Variants in SLC10A7 observed in about 807,000 individuals in gnomAD.
SLC10A7 encodes solute carrier family 10 member 7.
SLC10A7 carries 29 observed loss-of-function variants against 43.2 expected under a neutral mutation model. The ratio of observed to expected loss-of-function variants is 0.67; its 90% CI spans 0.50 to 0.92. The LOEUF is 0.92. Ranked by LOEUF, SLC10A7 falls within the 40% of genes least tolerant of loss-of-function variation. SLC10A7 has a pLI of 0.00. For missense variants in SLC10A7, 295 were observed against 403.2 expected (o/e 0.73, Z 2.30); for synonymous variants, 152 against 144.8 (o/e 1.05, Z -0.35).
Position 146,440,668 on chromosome 4 carries a change from A to T in SLC10A7, c.435+2115T>A, listed in dbSNP as rs80133699. The stretch of plus-strand genomic sequence containing the variant: ...ATCCTAGGTTGTTGTAACTATGGTG[A>T]AGAGAGGAAAAAAAGATATAGAATT... On this transcript the variant is annotated intron_variant, in intron 5 of 11. Transcript: ENST00000335472. 9.4e-3 allele frequency among the ~76,000 whole-genome samples: 1,432 copies of T among 152,350 alleles called. 15 individuals carry two copies. The highest frequency in any genetic ancestry group is 0.024 in the Middle Eastern group (7 of 294).
chr4:146,401,912 T>A, intron 5 of SLC10A7, among the ~76,000 whole-genome samples: 1 of 152,344 alleles, frequency 6.6e-6, no homozygotes. Context: ...TTTATATTTT[T>A]AAAACCCAGA....
intron 5 of SLC10A7, among the ~76,000 whole-genome samples, chr4:146,344,586 G>A (rs1000797631): frequency 3.3e-5 from 5 of 151,858 alleles, no homozygotes; most frequent in Non-Finnish European, 5.9e-5. Context: ...TGGAGGGCTC[G>A]GTGAGACAAA....
At chr4:146,486,947 C>T (rs529846738) in intron 4 of SLC10A7, among the ~76,000 whole-genome samples, 26 of 152,290 alleles carry the variant, frequency 1.7e-4, no homozygotes, top group African/African-American at 5.1e-4. Context: ...ATTCTGCCAC[C>T]AACTCACCAT....
At position 146,298,902 on chromosome 4, in the gene SLC10A7, C is replaced by T. The variant is rs181088077; in HGVS notation, c.556-4807G>A. On this transcript the variant is annotated intron_variant, in intron 7 of 11. Coordinates refer to ENST00000335472, the MANE Select transcript of SLC10A7 (RefSeq NM_001029998.6). ...CCTAGGAGCTGTGTGTGCAGCCAAG[C>T]AGTGAGGAAGACCAAACTACACCTC... Among the ~76,000 whole-genome samples the T allele has an allele frequency of 2.1e-4, 32 of 152,246 alleles. No homozygotes were observed. The East Asian group carries it at 2.3e-3, about 11-fold the overall frequency.
At chr4:146,301,908 G>A (rs1038286471) in intron 7 of SLC10A7, among the ~76,000 whole-genome samples, 5 of 152,048 alleles carry the variant, frequency 3.3e-5, no homozygotes, top group African/African-American at 1.2e-4. Flanking sequence ...GAAAAAAAAA[G>A]CTACCTATAC....
intron 5 of SLC10A7, among the ~76,000 whole-genome samples, chr4:146,416,576 T>A (rs893166770): frequency 1.3e-5 from 2 of 152,014 alleles, no homozygotes; most frequent in South Asian, 4.1e-4. Context: ...TCAAAAAAAA[T>A]TTCACAATAA....
intron 4 of SLC10A7, among the ~76,000 whole-genome samples, chr4:146,448,157 T>G (rs985969535): frequency 2.6e-5 from 4 of 151,904 alleles, no homozygotes; most frequent in African/African-American, 9.7e-5. Flanking sequence ...ACATGGCACA[T>G]GTATACATAT....
Position 146,444,384 on chromosome 4 carries a change from A to G in SLC10A7, c.397-1563T>C, listed in dbSNP as rs541443847. On this transcript the variant is annotated intron_variant, in intron 4 of 11. Transcript: ENST00000335472. Reference sequence around the variant, plus strand: ...GTCCCTTTCACTAACATTTTACTCAATAACTAGCGGTCTTGTCTAGCATTT... The same window carrying G: ...GTCCCTTTCACTAACATTTTACTCAGTAACTAGCGGTCTTGTCTAGCATTT... 7.2e-5 allele frequency among the ~76,000 whole-genome samples: 11 copies of G among 152,310 alleles called. No individual in the cohort carries two copies. The South Asian group carries it at 2.1e-3, about 29-fold the overall frequency.
chr4:146,450,554 C>G (rs1222864043), intron 4 of SLC10A7, among the ~76,000 whole-genome samples: 1 of 152,088 alleles, frequency 6.6e-6, no homozygotes, highest in Non-Finnish European at 1.5e-5. Context: ...AAATGAGAAG[C>G]ACAGGCTTTG....
At chr4:146,401,498 T>C (rs1003423083) in intron 5 of SLC10A7, among the ~76,000 whole-genome samples, 7 of 152,148 alleles carry the variant, frequency 4.6e-5, no homozygotes, top group Non-Finnish European at 1.0e-4. Flanking sequence ...ACCACACTGG[T>C]GAGAGACGGA....
At chr4:146,291,900 C>G (rs1225434406) in intron 9 of SLC10A7, among the ~76,000 whole-genome samples, 9 of 152,088 alleles carry the variant, frequency 5.9e-5, no homozygotes, top group Non-Finnish European at 1.2e-4. Context: ...TGTGGCATTC[C>G]CATGGTAACT....
intron 1 of SLC10A7, among the ~76,000 whole-genome samples, chr4:146,517,708 A>G (rs2150060995): frequency 6.6e-6 from 1 of 152,266 alleles, no homozygotes; most frequent in Middle Eastern, 3.4e-3. Context: ...AACATCCTTC[A>G]ATAGAGGTCC....
chr4:146,440,028 T>A (rs1579191107), intron 5 of SLC10A7, among the ~76,000 whole-genome samples: 1 of 152,232 alleles, frequency 6.6e-6, no homozygotes, highest in Non-Finnish European at 1.5e-5. Flanking sequence ...AATCTCTTTC[T>A]TCAAACCTTT....
chr4:146,384,412 G>C (rs1337187554), intron 5 of SLC10A7, among the ~76,000 whole-genome samples: 1 of 152,092 alleles, frequency 6.6e-6, no homozygotes, highest in Non-Finnish European at 1.5e-5. Flanking sequence ...ATTATTTTAT[G>C]AGTAGCTTAT....
intron 5 of SLC10A7, among the ~76,000 whole-genome samples, chr4:146,403,894 A>C (rs1011400393): frequency 6.6e-6 from 1 of 152,200 alleles, no homozygotes; most frequent in Admixed American, 6.5e-5. Context: ...TGTGCAGCAG[A>C]GTACCAAGTC....
chr4:146,460,480 T>A (rs556331074), intron 4 of SLC10A7, among the ~76,000 whole-genome samples: 45 of 152,038 alleles, frequency 3.0e-4, no homozygotes, highest in African/African-American at 9.4e-4. Flanking sequence ...ATTCATACAA[T>A]GGAATATGGC....
rs570917572 is a variant in SLC10A7, at chr4:146,344,770, T to C, written c.436-18774A>G. 3.0e-4 allele frequency among the ~76,000 whole-genome samples: 45 copies of C among 152,232 alleles called. No homozygotes were observed. In the South Asian group the frequency reaches 9.1e-3, roughly 31 times the overall value. ...AAGAGATTTGCAAAATGCAAAACAA[T>C]AGTACTCTTCCCACTAGTTTTTGTT... On this transcript the variant is annotated intron_variant, in intron 5 of 11. Transcript: ENST00000335472.
At chr4:146,375,730 C>T (rs1579027789) in intron 5 of SLC10A7, among the ~76,000 whole-genome samples, 2 of 152,092 alleles carry the variant, frequency 1.3e-5, no homozygotes, top group Non-Finnish European at 2.9e-5. Context: ...CAACACAACC[C>T]CTCTGACATG....
chr4:146,421,001 T>C (rs964666653), intron 5 of SLC10A7, among the ~76,000 whole-genome samples: 1 of 152,092 alleles, frequency 6.6e-6, no homozygotes, highest in African/African-American at 2.4e-5. Flanking sequence ...TACTCCAGCC[T>C]GGGGGACAGA....
Sources: gnomAD v4.1 joint callset for allele counts (sites outside exome capture counted in the v4.1 genomes callset) on GRCh38, gnomAD v4.1.1 for gene constraint, MANE v1.5 for transcripts, NCBI Gene and HGNC (gene_info 2026-07-23, HGNC 2026-07-21) for gene names.